SNTG2: variants seen among roughly 807,000 people sequenced by gnomAD.
The protein encoded by SNTG2 is gamma-2-syntrophin.
Under a neutral mutation model 70.9 loss-of-function variants are expected in SNTG2, and 74 were observed. That is an observed-to-expected ratio of 1.04 (90% CI 0.86 to 1.27). The LOEUF (loss-of-function observed/expected upper bound fraction) is 1.27. Among genes scored for constraint, SNTG2 ranks in the 50% most tolerant of loss-of-function variants. The pLI, the probability that SNTG2 is intolerant of heterozygous loss-of-function variation, is 0.00. For synonymous variants in SNTG2, 278 were observed against 273.8 expected, an observed-to-expected ratio of 1.02 and a Z score of -0.15; for missense variants, 717 against 690.7, an observed-to-expected ratio of 1.04 and a Z score of -0.43.
At chr2:1,179,287 T>A (rs1175623701) in intron 8 of SNTG2, among the ~76,000 whole-genome samples, 1 of 152,222 alleles carries the variant, frequency 6.6e-6, no homozygotes, top group Non-Finnish European at 1.5e-5. Flanking sequence ...GAAGGGTTTT[T>A]TGTGTCTCTA....
chr2:1,127,446 T>C (rs1429312010), intron 4 of SNTG2, among the ~76,000 whole-genome samples: 1 of 152,158 alleles, frequency 6.6e-6, no homozygotes, highest in East Asian at 1.9e-4. Flanking sequence ...GGGCTTCATG[T>C]AGTTCTGCGC....
chr2:1,228,205 C>A (rs1346995753), intron 9 of SNTG2, among the ~76,000 whole-genome samples: 2 of 152,206 alleles, frequency 1.3e-5, no homozygotes, highest in African/African-American at 4.8e-5. Flanking sequence ...TGGCGGGGGG[C>A]CCTCGTGGTC....
chr2:1,334,912 A>AC (rs560143068), intron 16 of SNTG2, among the ~76,000 whole-genome samples: 29 of 152,128 alleles, frequency 1.9e-4, no homozygotes, highest in African/African-American at 6.5e-4. Context: ...GTAACCAAAA[A>AC]CCCCCATTCC....
rs576699507 is a variant in SNTG2 at position 1,053,751 on chromosome 2, C to T, written c.73-29767C>T. ...TGATTGTTTTCATTTGACTTTATTG[C>T]ATTTTATTGTGGCATTGATTCTGAT... On this transcript the variant is annotated intron_variant, in intron 1 of 16. Coordinates refer to ENST00000308624, the MANE Select transcript of SNTG2 (RefSeq NM_018968.4). 2.6e-5 allele frequency among the ~76,000 whole-genome samples: 4 copies of T among 152,230 alleles called. 1 individual carries two copies. In the South Asian group the frequency reaches 8.3e-4, roughly 32 times the overall value.
chr2:1,190,485 G>A (rs1672513961), intron 8 of SNTG2, among the ~76,000 whole-genome samples: 1 of 105,562 alleles, frequency 9.5e-6, no homozygotes, highest in Non-Finnish European at 1.9e-5. Flanking sequence ...CCACAAATAT[G>A]GAGGGCTGAC....
chr2:1,306,246 C>T (rs1251162106), intron 14 of SNTG2, among the ~76,000 whole-genome samples: 1 of 152,096 alleles, frequency 6.6e-6, no homozygotes, highest in African/African-American at 2.4e-5. Context: ...TGACCGCCGG[C>T]TGTGTGTGTG....
intron 12 of SNTG2, among the ~76,000 whole-genome samples, chr2:1,256,097 T>TA (rs1425213352): frequency 6.6e-6 from 1 of 151,484 alleles, no homozygotes; most frequent in Admixed American, 6.6e-5. Flanking sequence ...GCTGTATATT[T>TA]TTATTTATGT....
chr2:1,038,467 T>G (rs1182546566), intron 1 of SNTG2, among the ~76,000 whole-genome samples: 1 of 152,198 alleles, frequency 6.6e-6, no homozygotes, highest in East Asian at 1.9e-4. Flanking sequence ...CCGAGGAAGC[T>G]CCGCCTTCCT....
chr2:1,218,375 G>A (rs570093894), intron 9 of SNTG2, among the ~76,000 whole-genome samples: 1 of 152,310 alleles, frequency 6.6e-6, no homozygotes, highest in South Asian at 2.1e-4. Flanking sequence ...AGAACTGGGG[G>A]CTGCCTTAGA....
intron 16 of SNTG2, among the ~76,000 whole-genome samples, chr2:1,364,130 C>A (rs1171369712): frequency 2.2e-5 from 3 of 138,256 alleles, no homozygotes; most frequent in Admixed American, 7.6e-5. Context: ...GCCACCATGC[C>A]CAGTTAATTT....
chr2:1,230,984 C>G (rs1324883054), intron 9 of SNTG2, among the ~76,000 whole-genome samples: 2 of 151,870 alleles, frequency 1.3e-5, no homozygotes, highest in African/African-American at 4.8e-5. Context: ...AGGATCACTG[C>G]GAGAGGGAAA....
At chr2:1,227,959 G>A (rs1225945636) in intron 9 of SNTG2, among the ~76,000 whole-genome samples, 2 of 152,066 alleles carry the variant, frequency 1.3e-5, no homozygotes, top group South Asian at 2.1e-4. Flanking sequence ...GCAGCCTCCC[G>A]CCTCGTGCAG....
intron 4 of SNTG2, among the ~76,000 whole-genome samples, chr2:1,116,588 G>T (rs1412329544): frequency 2.0e-5 from 3 of 148,394 alleles, no homozygotes; most frequent in South Asian, 2.2e-4. Flanking sequence ...GTGTACGGGT[G>T]CCCCGGTGTT....
intron 14 of SNTG2, among the ~76,000 whole-genome samples, chr2:1,288,867 T>C (rs953782235): frequency 6.6e-6 from 1 of 152,090 alleles, no homozygotes; most frequent in African/African-American, 2.4e-5. Flanking sequence ...ATGCAGCCTT[T>C]CCCCTGCCTA....
intron 1 of SNTG2, among the ~76,000 whole-genome samples, chr2:1,014,367 A>T: frequency 2.0e-5 from 1 of 50,704 alleles, no homozygotes; most frequent in African/African-American, 6.9e-5. Flanking sequence ...ATTTATAAGG[A>T]CAGAGAGAAG....
chr2:1,188,326 GAAA>G (rs1672372167), intron 8 of SNTG2, among the ~76,000 whole-genome samples: 1 of 151,944 alleles, frequency 6.6e-6, no homozygotes, highest in Non-Finnish European at 1.5e-5. Flanking sequence ...AAGAAATACA[GAAA>G]AAGAAGAAAA....
intron 14 of SNTG2, among the ~76,000 whole-genome samples, chr2:1,288,880 C>T (rs1371159768): frequency 6.6e-6 from 1 of 152,148 alleles, no homozygotes; most frequent in East Asian, 1.9e-4. Context: ...CCTGCCTACT[C>T]TTCCATCTCC....
At chr2:1,157,824 A>G (rs73160187) in intron 6 of SNTG2, among the ~76,000 whole-genome samples, 9,133 of 152,248 alleles carry the variant, frequency 0.06, 373 homozygotes, top group African/African-American at 0.11. Context: ...CGCGGGTGAT[A>G]TGAGCCCAGC....
intron 14 of SNTG2, among the ~76,000 whole-genome samples, chr2:1,286,532 G>T (rs1325496741): frequency 2.0e-5 from 3 of 152,206 alleles, no homozygotes; most frequent in African/African-American, 7.2e-5. Flanking sequence ...TTGGTCAGAG[G>T]CAATGCTGTG....
Sources: allele counts gnomAD v4.1 joint callset (sites outside exome capture counted in the v4.1 genomes callset), GRCh38; gene constraint gnomAD v4.1.1; transcripts MANE v1.5; gene names NCBI Gene and HGNC (gene_info 2026-07-23, HGNC 2026-07-21).